RORB: variants seen among roughly 807,000 people sequenced by gnomAD.
RORB encodes nuclear receptor ROR-beta.
A neutral mutation model predicts 59.1 loss-of-function variants in RORB; 6 were observed. That is an observed-to-expected ratio of 0.10 (90% CI 0.06 to 0.20). The LOEUF is 0.20. Ranked by LOEUF, RORB falls within the 10% of genes least tolerant of loss-of-function variation. The pLI, the probability that RORB is intolerant of heterozygous loss-of-function variation, is 1.00. For missense variants in RORB, 320 were observed against 560.5 expected (o/e 0.57, Z 4.33); for synonymous variants, 215 against 204.5 (o/e 1.05, Z -0.44).
chr9:74,512,891 A>G (rs1164618655), intron 1 of RORB, among the ~76,000 whole-genome samples: 1 of 152,178 alleles, frequency 6.6e-6, no homozygotes, highest in African/African-American at 2.4e-5. Flanking sequence ...GGTTCCCAAC[A>G]CGGAAAACTT....
intron 1 of RORB, among the ~76,000 whole-genome samples, chr9:74,592,894 T>A (rs1822920730): frequency 6.6e-6 from 1 of 151,708 alleles, no homozygotes; most frequent in African/African-American, 2.4e-5. Flanking sequence ...CACGCACTAT[T>A]CAGGGGTGAG....
At chr9:74,662,381 G>A (rs1824202283) in intron 5 of RORB, 93 bp from the exon 6 acceptor site, 1 of 1,220,998 alleles carries the variant, frequency 8.2e-7, no homozygotes, top group South Asian at 1.4e-5. Context: ...GGCCCCAAGT[G>A]ACAGATAAGC....
At chr9:74,574,667 C>A (rs796748981) in intron 1 of RORB, among the ~76,000 whole-genome samples, 9 of 152,230 alleles carry the variant, frequency 5.9e-5, no homozygotes, top group African/African-American at 2.2e-4. Flanking sequence ...CTTTTGGGAT[C>A]TCCCGTAACT....
chr9:74,605,515 G>T (rs1259521572), intron 1 of RORB, among the ~76,000 whole-genome samples: 3 of 152,180 alleles, frequency 2.0e-5, no homozygotes, highest in African/African-American at 7.2e-5. Flanking sequence ...AAGTGACCCG[G>T]TGTCTGTCTG....
chr9:74,681,580 C>T (rs946281168), intron 9 of RORB, among the ~76,000 whole-genome samples: 3 of 152,216 alleles, frequency 2.0e-5, no homozygotes, highest in Non-Finnish European at 4.4e-5. Context: ...GCAACAGGAA[C>T]TAGATCCAAA....
intron 1 of RORB, among the ~76,000 whole-genome samples, chr9:74,571,414 A>C (rs560629444): frequency 2.9e-3 from 434 of 152,104 alleles, no homozygotes; most frequent in Non-Finnish European, 5.3e-3. Context: ...AAAAAAAAAA[A>C]AAACACAGTT....
intron 1 of RORB, among the ~76,000 whole-genome samples, chr9:74,552,708 C>T (rs973241392): frequency 6.6e-6 from 1 of 151,956 alleles, no homozygotes; most frequent in African/African-American, 2.4e-5. Context: ...ATATTGAGCA[C>T]ATATCATGCA....
chr9:74,670,949 C>T (rs911598686), intron 8 of RORB, among the ~76,000 whole-genome samples: 1 of 152,126 alleles, frequency 6.6e-6, no homozygotes, highest in Non-Finnish European at 1.5e-5. Context: ...AGATCATGTT[C>T]GAGTTCTTTT....
At chr9:74,636,765 T>G (rs1823710980) in intron 3 of RORB, among the ~76,000 whole-genome samples, 1 of 149,736 alleles carries the variant, frequency 6.7e-6, no homozygotes. Context: ...GTCACGGGGG[T>G]GTGGGTGGGG....
chr9:74,606,675 G>C (rs10869427), intron 1 of RORB, among the ~76,000 whole-genome samples: 1 of 151,920 alleles, frequency 6.6e-6, no homozygotes, highest in Admixed American at 6.6e-5. Flanking sequence ...CTTAGAAGAC[G>C]TAAGATGAGA....
chr9:74,515,618 A>T (rs915269150), intron 1 of RORB, among the ~76,000 whole-genome samples: 27 of 152,166 alleles, frequency 1.8e-4, no homozygotes, highest in African/African-American at 6.5e-4. Flanking sequence ...ATGAAAAAAT[A>T]TGCTTTCTAT....
intron 1 of RORB, among the ~76,000 whole-genome samples, chr9:74,628,136 A>C (rs1372089987): frequency 6.6e-6 from 1 of 152,198 alleles, no homozygotes; most frequent in Non-Finnish European, 1.5e-5. Context: ...TAAGGACTGG[A>C]GTCCAGAAGG....
At position 74,692,700 on chromosome 9, in the gene RORB, A is replaced by G. The variant is rs1416143897; in HGVS notation, c.*7082A>G. Reference sequence around the variant, plus strand: ...ATAATAATTCTACTTTTTTAAAAGAATAATGTCTCTTATAGTCACCATTGA... The same window carrying G: ...ATAATAATTCTACTTTTTTAAAAGAGTAATGTCTCTTATAGTCACCATTGA... On this transcript the variant is annotated 3_prime_UTR_variant, in exon 10 of 10. Transcript: ENST00000376896. 2.0e-5 allele frequency: 3 copies of G among 152,236 alleles called. No individual in the cohort carries two copies. Among genetic ancestry groups the G allele is most frequent in the Non-Finnish European group, 4.4e-5 (3 of 68,044 alleles). 9.4% of individuals were successfully genotyped at this position (152,236 alleles called of 1,614,324 possible). A position where few individuals can be genotyped will look rare whatever the true frequency, so the allele number is the denominator to read the frequency against.
chr9:74,519,079 A>T (rs1474678325), intron 1 of RORB, among the ~76,000 whole-genome samples: 2 of 151,984 alleles, frequency 1.3e-5, no homozygotes, highest in Non-Finnish European at 2.9e-5. Flanking sequence ...TTTATACCCC[A>T]GTAAATGAGT....
rs553032940 is a variant in RORB, at chr9:74,608,381, C to T, written c.8-21901C>T. On this transcript the variant is annotated intron_variant, in intron 1 of 9. Coordinates refer to ENST00000376896, the MANE Select transcript of RORB (RefSeq NM_006914.4). ...AAGATCGAGACCATCCTGGCTAACA[C>T]GCTGAAACCCCGTCTCTACTAAAAA... 1.6e-4 allele frequency among the ~76,000 whole-genome samples: 24 copies of T among 152,036 alleles called. No individual in the cohort carries two copies. In the South Asian group the frequency reaches 3.5e-3, roughly 22 times the overall value.
chr9:74,651,255 C>A (rs1366276172), intron 4 of RORB, among the ~76,000 whole-genome samples: 1 of 152,148 alleles, frequency 6.6e-6, no homozygotes, highest in Non-Finnish European at 1.5e-5. Flanking sequence ...CTCATGTCAG[C>A]CAGGCGCAGT....
chr9:74,498,922 C>T (rs1825763178), intron 1 of RORB: 1 of 153,794 alleles, frequency 6.5e-6, no homozygotes, highest in Non-Finnish European at 1.5e-5. Context: ...CTCTGGGCCT[C>T]TCGAAGGGCT....
chr9:74,671,069 TAGGA>T (rs1012781132), intron 8 of RORB, among the ~76,000 whole-genome samples: 10 of 150,870 alleles, frequency 6.6e-5, no homozygotes, highest in Non-Finnish European at 1.3e-4. Context: ...ATAAATCTTC[TAGGA>T]AGGAAGGAAG....
intron 8 of RORB, 71 bp from the exon 9 acceptor site, chr9:74,671,718 G>A (rs1314578572): frequency 4.8e-6 from 4 of 827,346 alleles, no homozygotes; most frequent in East Asian, 2.5e-5. Flanking sequence ...CTGAAGCTTG[G>A]CACTTATGTA....
Sources: allele counts gnomAD v4.1 joint callset (sites outside exome capture counted in the v4.1 genomes callset), GRCh38; gene constraint gnomAD v4.1.1; transcripts MANE v1.5; gene names NCBI Gene and HGNC (gene_info 2026-07-23, HGNC 2026-07-21).